GSAP: variants seen among roughly 807,000 people sequenced by gnomAD.
GSAP encodes gamma-secretase-activating protein.
In GSAP, 118 loss-of-function variants were observed where a neutral mutation model predicts 131.7. The observed-to-expected ratio is 0.90, with a 90% CI of 0.77 to 1.04. The LOEUF (loss-of-function observed/expected upper bound fraction) is 1.04, where lower values mean the gene tolerates loss of function less well. Among genes scored for constraint, GSAP ranks in the 50% least tolerant of loss-of-function variants. The pLI, the probability that GSAP is intolerant of heterozygous loss-of-function variation, is 0.00. For synonymous variants in GSAP, 381 were observed against 363.4 expected (o/e 1.05, Z -0.55); for missense variants, 1,019 against 1,013.2 (o/e 1.01, Z -0.08).
intron 11 of GSAP, 64 bp from the exon 12 acceptor site, chr7:77,374,219 G>GTATTT: frequency 1.3e-6 from 1 of 796,254 alleles, no homozygotes; most frequent in Non-Finnish European, 2.1e-6. Flanking sequence ...CATAAAGGAT[G>GTATTT]TGAGTAACCA....
At chr7:77,416,133 C>A in intron 1 of GSAP, 80 bp downstream of exon 1, 1 of 812,750 alleles carries the variant, frequency 1.2e-6, no homozygotes, top group Non-Finnish European at 1.8e-6. Context: ...CCGGGTTGCT[C>A]CCCACCGGGT....
At chr7:77,413,059 G>A (rs1357498405) in intron 1 of GSAP, among the ~76,000 whole-genome samples, 2 of 152,098 alleles carry the variant, frequency 1.3e-5, no homozygotes, top group Non-Finnish European at 2.9e-5. Context: ...GCCACCCACT[G>A]GAAAAATAAG....
At chr7:77,337,945 G>A (rs1281132019) in intron 19 of GSAP, among the ~76,000 whole-genome samples, 1 of 152,034 alleles carries the variant, frequency 6.6e-6, no homozygotes, top group African/African-American at 2.4e-5. Flanking sequence ...GAGGCCAGGA[G>A]TTTGAGATCA....
At chr7:77,374,788 G>A (rs1186780974) in intron 11 of GSAP, among the ~76,000 whole-genome samples, 9 of 152,074 alleles carry the variant, frequency 5.9e-5, no homozygotes, top group African/African-American at 1.9e-4. Flanking sequence ...TTAATCGCAG[G>A]GAGAAGGGTA....
chr7:77,317,395 G>GC (rs1443589326), intron 26 of GSAP, among the ~76,000 whole-genome samples: 1 of 148,604 alleles, frequency 6.7e-6, no homozygotes, highest in Non-Finnish European at 1.5e-5. Flanking sequence ...GGGGCTGGGG[G>GC]AGGGATAGCA....
In GSAP at chr7:77,312,124, G is replaced by C. The variant is rs201992902; in HGVS notation, c.2350C>G (p.Leu784Val). 2.0e-4 allele frequency: 316 copies of C among 1,596,884 alleles called. No homozygotes were observed. The highest frequency in any genetic ancestry group is 9.7e-4 in the Admixed American group (55 of 56,844). The change falls in exon 29 of 31, where the codon CTG becomes GTG. Residue 784 changes from leucine (L) to valine (V), a missense_variant. Leu to Val is a conservative substitution (Grantham distance 32). Coordinates refer to ENST00000257626, the MANE Select transcript of GSAP (RefSeq NM_017439.4). Reference protein sequence around the residue: ...NIISRNHVTRLLQNYKKQPRN... With the variant: ...NIISRNHVTRVLQNYKKQPRN... ...ACCTGTTTCTTATAGTTCTGAAGCA[G>C]TCGCGTCACGTGGTTCCGCGAAATG...
At chr7:77,359,127 G>A (rs755260962) in intron 14 of GSAP, among the ~76,000 whole-genome samples, 51 of 152,070 alleles carry the variant, frequency 3.4e-4, no homozygotes, top group Admixed American at 3.3e-4. Flanking sequence ...CTTGAACCCC[G>A]GAGGCGGAAG....
intron 19 of GSAP, among the ~76,000 whole-genome samples, chr7:77,332,705 T>C (rs1473084766): frequency 6.6e-6 from 1 of 152,212 alleles, no homozygotes; most frequent in Non-Finnish European, 1.5e-5. Context: ...AGAAATACTG[T>C]TAGCCAAACA....
chr7:77,352,622 A>C (rs1177691760), intron 18 of GSAP, among the ~76,000 whole-genome samples: 1 of 152,192 alleles, frequency 6.6e-6, no homozygotes, highest in Non-Finnish European at 1.5e-5. Context: ...CACTTATAAA[A>C]ACTCAGTACA....
intron 19 of GSAP, among the ~76,000 whole-genome samples, chr7:77,347,840 TCACTG>T (rs1214860505): frequency 6.6e-6 from 1 of 152,084 alleles, no homozygotes. Context: ...AAATTTTTCT[TCACTG>T]GTTTGTTGTC....
At chr7:77,361,495 A>G (rs936876291) in intron 13 of GSAP, among the ~76,000 whole-genome samples, 1 of 152,220 alleles carries the variant, frequency 6.6e-6, no homozygotes, top group Non-Finnish European at 1.5e-5. Context: ...TGAATAGAAT[A>G]TATGTCTAGT....
At chr7:77,312,763 AACAG>A (rs1199385313) in intron 28 of GSAP, among the ~76,000 whole-genome samples, 1 of 152,244 alleles carries the variant, frequency 6.6e-6, no homozygotes, top group African/African-American at 2.4e-5. Flanking sequence ...CCAGAAAGGT[AACAG>A]ACAGCCGTTC....
At chr7:77,362,984 T>C (rs1794764349) in intron 12 of GSAP, among the ~76,000 whole-genome samples, 1 of 152,258 alleles carries the variant, frequency 6.6e-6, no homozygotes, top group African/African-American at 2.4e-5. Flanking sequence ...AAGCATGCAT[T>C]GTCCTCCCTT....
At chr7:77,314,516 C>T (rs1358020021) in intron 26 of GSAP, 27 bp from the exon 27 acceptor site, 2 of 1,612,540 alleles carry the variant, frequency 1.2e-6, no homozygotes, top group African/African-American at 2.7e-5. Flanking sequence ...GGAGGGTAAA[C>T]ACAGTCAGCC....
At chr7:77,344,529 T>G (rs75698830) in intron 19 of GSAP, among the ~76,000 whole-genome samples, 2 of 152,120 alleles carry the variant, frequency 1.3e-5, no homozygotes, top group Admixed American at 1.3e-4. Flanking sequence ...ATCCGTACTA[T>G]CTTCTGTCTA....
At chr7:77,377,254 A>C in intron 9 of GSAP, 32 bp downstream of exon 9, 1 of 1,419,832 alleles carries the variant, frequency 7.0e-7, no homozygotes. Flanking sequence ...AAAAAAAAAA[A>C]AAAAGGAGTG....
At chr7:77,392,462 C>T (rs991443099) in intron 5 of GSAP, among the ~76,000 whole-genome samples, 1 of 150,376 alleles carries the variant, frequency 6.6e-6, no homozygotes, top group Non-Finnish European at 1.5e-5. Flanking sequence ...GCAGGAGTAT[C>T]GCTTGAACCC....
chr7:77,374,923 G>C, intron 11 of GSAP, 135 bp downstream of exon 11: 1 of 510,680 alleles, frequency 2.0e-6, no homozygotes, highest in Non-Finnish European at 3.5e-6. Flanking sequence ...TTGCTATGGA[G>C]AATGGGAATA....
intron 18 of GSAP, 56 bp downstream of exon 18, chr7:77,352,888 G>T: frequency 1.0e-6 from 1 of 1,003,910 alleles, no homozygotes; most frequent in South Asian, 1.3e-5. Context: ...TCCAACAACT[G>T]ACCCACAACT....
Sources: gnomAD v4.1 joint callset for allele counts (sites outside exome capture counted in the v4.1 genomes callset) on GRCh38, gnomAD v4.1.1 for gene constraint, MANE v1.5 for transcripts, NCBI Gene and HGNC (gene_info 2026-07-23, HGNC 2026-07-21) for gene names.